ZFYVE28: variants seen among roughly 807,000 people sequenced by gnomAD.
ZFYVE28 encodes the protein zinc finger FYVE-type containing 28, also known as lateral signaling target protein 2 homolog.
ZFYVE28 carries 40 observed loss-of-function variants against 82.1 expected under a neutral mutation model. The ratio of observed to expected loss-of-function variants is 0.49; its 90% CI spans 0.38 to 0.63. ZFYVE28 has a LOEUF of 0.63. Ranked by LOEUF, ZFYVE28 falls within the 30% of genes least tolerant of loss-of-function variation. The pLI is 0.00. For missense variants in ZFYVE28, 1,321 were observed against 1,242.1 expected (o/e 1.06, Z -0.96); for synonymous variants, 612 against 546.1 (o/e 1.12, Z -1.68).
In ZFYVE28 at chr4:2,305,144, C is replaced by T. The variant is rs73203327; in HGVS notation, c.1196G>A (p.Arg399His). Residue 399 changes from arginine to histidine, a missense_variant, in exon 8 of 13, where the codon CGC becomes CAC. Arg to His is a conservative substitution (Grantham distance 29). This residue lies in a region of ZFYVE28 where 978 missense variants were observed against 833.7 expected (regional missense o/e 1.17). Coordinates refer to ENST00000290974, the MANE Select transcript of ZFYVE28 (RefSeq NM_020972.3). ...CTCCACGTCATCCATGAAGAACACGCGCTCCTCCTCGTCACTGCCTGACCG... is the reference window on the plus strand; with the variant it reads ...CTCCACGTCATCCATGAAGAACACGTGCTCCTCCTCGTCACTGCCTGACCG... ...RLRSGSDEEERVFFMDDVEGT... is the reference protein window; with the variant it reads ...RLRSGSDEEEHVFFMDDVEGT... 1.2e-4 allele frequency: 188 copies of T among 1,588,626 alleles called. No homozygotes were observed. The highest frequency in any genetic ancestry group is 1.5e-4 in the Non-Finnish European group (175 of 1,165,842).
chr4:2,368,225 A>C (rs1479850514), intron 1 of ZFYVE28, among the ~76,000 whole-genome samples: 2 of 151,026 alleles, frequency 1.3e-5, no homozygotes, highest in East Asian at 1.9e-4. Context: ...AAAAAAAAAA[A>C]AAAAACACTG....
intron 4 of ZFYVE28, 83 bp from the exon 5 acceptor site, chr4:2,337,579 A>G: frequency 8.8e-7 from 1 of 1,138,108 alleles, no homozygotes; most frequent in Non-Finnish European, 1.2e-6. Context: ...ATCTTCAATT[A>G]AAGCTGCAAT....
intron 1 of ZFYVE28, among the ~76,000 whole-genome samples, chr4:2,402,632 G>A (rs967677479): frequency 1.1e-4 from 17 of 152,172 alleles, no homozygotes; most frequent in African/African-American, 3.6e-4. Flanking sequence ...GGCAGGGAAC[G>A]CGGTAGACAG....
At chr4:2,366,140 T>G (rs1726861881) in intron 1 of ZFYVE28, among the ~76,000 whole-genome samples, 1 of 151,904 alleles carries the variant, frequency 6.6e-6, no homozygotes. Context: ...CTGGGGGGAG[T>G]GCGACGCAGA....
chr4:2,376,240 A>G (rs1279535598), intron 1 of ZFYVE28, among the ~76,000 whole-genome samples: 1 of 150,448 alleles, frequency 6.6e-6, no homozygotes, highest in Non-Finnish European at 1.5e-5. Flanking sequence ...TGTGGCTACT[A>G]GAAAATTTCA....
At chr4:2,353,132 G>A (rs745408792) in intron 2 of ZFYVE28, among the ~76,000 whole-genome samples, 2 of 152,234 alleles carry the variant, frequency 1.3e-5, no homozygotes, top group Admixed American at 1.3e-4. Flanking sequence ...GCCTGATCCG[G>A]CCAGAAAAGT....
intron 8 of ZFYVE28, among the ~76,000 whole-genome samples, chr4:2,281,760 C>T (rs1288765400): frequency 2.0e-5 from 3 of 152,178 alleles, no homozygotes; most frequent in East Asian, 1.9e-4. Context: ...GGAACACTGC[C>T]TTTGGAAGGG....
rs1168736862 is a variant in ZFYVE28 at position 2,418,439 on chromosome 4, G to A, written c.-116C>T. On this transcript the variant is annotated 5_prime_UTR_variant, in exon 1 of 13. Transcript: ENST00000290974. The surrounding 1 kb of genome is among the most constrained non-coding windows in gnomAD (Gnocchi z 4.6). The stretch of plus-strand genomic sequence containing the variant: ...GCACGGCCGGAGCCCCCGCGCTGTC[G>A]CAGGGAGGCTGGCTAGCGAAGCCCG... 7 of 840,662 alleles carry A rather than the reference G, an allele frequency of 8.3e-6. No homozygotes were observed. The highest frequency in any genetic ancestry group is 1.5e-6 in the Non-Finnish European group (1 of 679,446). 52.1% of individuals were successfully genotyped at this position (840,662 alleles called of 1,614,324 possible).
At chr4:2,391,455 C>CTTT (rs140103966) in intron 1 of ZFYVE28, among the ~76,000 whole-genome samples, 22,560 of 117,032 alleles carry the variant, frequency 0.19, 2,530 homozygotes, top group Middle Eastern at 0.25. Context: ...GGTCAATTAT[C>CTTT]TTTTTTTTTT....
intron 6 of ZFYVE28, chr4:2,330,626 C>T (rs547691009): frequency 2.2e-6 from 3 of 1,361,612 alleles, no homozygotes; most frequent in Middle Eastern, 2.8e-4. Context: ...AAGGGGACAG[C>T]ATAGAGGAGG....
At chr4:2,302,443 C>T (rs549981350) in intron 8 of ZFYVE28, among the ~76,000 whole-genome samples, 15 of 152,328 alleles carry the variant, frequency 9.8e-5, no homozygotes, top group Non-Finnish European at 1.6e-4. Context: ...TGACTGCTGA[C>T]GAGTGGGGCA....
rs1718943613 is a variant in ZFYVE28 at position 2,320,669 on chromosome 4, G to A, written c.702-398C>T. Among the ~76,000 whole-genome samples the A allele has an allele frequency of 6.6e-6, 1 of 152,228 alleles. No individual in the cohort carries two copies. Among genetic ancestry groups the A allele is most frequent in the African/African-American group, 2.4e-5 (1 of 41,460 alleles). On this transcript the variant is annotated intron_variant, in intron 6 of 12. Transcript: ENST00000290974. The surrounding 1 kb of genome is among the most constrained non-coding windows in gnomAD (Gnocchi z 5.1). ...TTATCTGCAGAGCTTTATGAGAACT[G>A]GACCTGGAACCATCTTCTCCAAAAG...
At chr4:2,385,270 C>T (rs1373704356) in intron 1 of ZFYVE28, among the ~76,000 whole-genome samples, 1 of 152,182 alleles carries the variant, frequency 6.6e-6, no homozygotes, top group Non-Finnish European at 1.5e-5. Context: ...TGGCTACTTA[C>T]GGTAAGGGAG....
rs143452369 is a variant in ZFYVE28, at chr4:2,289,455, T to C, written c.2051+14834A>G. ...AGCCTCCCCAAAGTGAGGGGGGTGG[T>C]ATGTGACAAAGGCTGAGGCCACTGG... On this transcript the variant is annotated intron_variant, in intron 8 of 12. Coordinates refer to ENST00000290974, the MANE Select transcript of ZFYVE28 (RefSeq NM_020972.3). 7.8e-3 allele frequency among the ~76,000 whole-genome samples: 1,193 copies of C among 152,148 alleles called. 16 individuals are homozygous for C. Among genetic ancestry groups the C allele is most frequent in the African/African-American group, 0.027 (1,123 of 41,494 alleles).
chr4:2,415,983 A>G (rs1732997219), intron 1 of ZFYVE28, among the ~76,000 whole-genome samples: 1 of 152,196 alleles, frequency 6.6e-6, no homozygotes, highest in Admixed American at 6.5e-5. Context: ...TGGAGCTACT[A>G]CCAGACAGCA....
chr4:2,336,856 A>G (rs114622048), intron 5 of ZFYVE28, among the ~76,000 whole-genome samples: 12,854 of 69,242 alleles, frequency 0.19, 754 homozygotes, highest in African/African-American at 0.22. Context: ...GAGGAGTGAG[A>G]AGGTGAGGAG....
chr4:2,307,617 G>C (rs1001562738), intron 7 of ZFYVE28, among the ~76,000 whole-genome samples: 4 of 152,042 alleles, frequency 2.6e-5, no homozygotes, highest in East Asian at 1.9e-4. Context: ...TGAGCAGCTG[G>C]TACTACAGGT....
At chr4:2,284,937 G>A (rs1181515035) in intron 8 of ZFYVE28, among the ~76,000 whole-genome samples, 2 of 152,182 alleles carry the variant, frequency 1.3e-5, no homozygotes, top group African/African-American at 4.8e-5. Flanking sequence ...GTTGAATTGG[G>A]GCCCCCCAGC....
intron 1 of ZFYVE28, among the ~76,000 whole-genome samples, chr4:2,377,279 C>T (rs1209333030): frequency 6.8e-6 from 1 of 147,844 alleles, no homozygotes; most frequent in African/African-American, 2.6e-5. Flanking sequence ...CCTCGGCCTC[C>T]CAAAGTGCTG....
Sources: gnomAD v4.1 joint callset for allele counts (sites outside exome capture counted in the v4.1 genomes callset) on GRCh38, gnomAD v4.1.1 for gene constraint, gnomAD v4.1.1 regional missense constraint, Gnocchi (gnomAD v3.1) non-coding constraint, MANE v1.5 for transcripts, NCBI Gene and HGNC (gene_info 2026-07-23, HGNC 2026-07-21) for gene names.